Variants in ADIPOR2 observed in about 807,000 individuals in gnomAD.
ADIPOR2 encodes adiponectin receptor 2, also known as adiponectin receptor protein 2.
In ADIPOR2, 18 loss-of-function variants were observed where a neutral mutation model predicts 40.9. The observed-to-expected ratio is 0.44, with a 90% confidence interval of 0.30 to 0.65. The LOEUF is 0.65. Among genes scored for constraint, ADIPOR2 ranks in the 30% least tolerant of loss-of-function variants. ADIPOR2 has a pLI of 0.09. For missense variants in ADIPOR2, 283 were observed against 479.2 expected (o/e 0.59, Z 3.82); for synonymous variants, 165 against 166.4 (o/e 0.99, Z 0.06).
intron 1 of ADIPOR2, among the ~76,000 whole-genome samples, chr12:1,733,136 A>G (rs769925155): frequency 1.3e-5 from 2 of 152,136 alleles, no homozygotes; most frequent in African/African-American, 4.8e-5. Flanking sequence ...AAAACAAAGA[A>G]CTTTTCACTG....
At chr12:1,709,563 A>G (rs1160485778) in intron 1 of ADIPOR2, among the ~76,000 whole-genome samples, 2 of 152,202 alleles carry the variant, frequency 1.3e-5, no homozygotes, top group Non-Finnish European at 1.5e-5. Context: ...TTAAATTTGT[A>G]TGACTGTGGC....
chr12:1,719,226 C>A (rs751178008), intron 1 of ADIPOR2, among the ~76,000 whole-genome samples: 8 of 151,972 alleles, frequency 5.3e-5, no homozygotes, highest in Non-Finnish European at 1.0e-4. Context: ...TGTAATCATT[C>A]TTTTTATTGC....
chr12:1,700,499 T>C (rs1398016050), intron 1 of ADIPOR2, among the ~76,000 whole-genome samples: 1 of 152,092 alleles, frequency 6.6e-6, no homozygotes, highest in Non-Finnish European at 1.5e-5. Context: ...TAACTTAAAA[T>C]AAAAGATCTG....
intron 1 of ADIPOR2, among the ~76,000 whole-genome samples, chr12:1,723,692 T>A (rs2094702413): frequency 6.6e-6 from 1 of 151,662 alleles, no homozygotes; most frequent in African/African-American, 2.4e-5. Context: ...GAAGTAATTT[T>A]AAAAAAACTG....
At chr12:1,697,832 T>A (rs2154441232) in intron 1 of ADIPOR2, 1 of 152,500 alleles carries the variant, frequency 6.6e-6, no homozygotes, top group Non-Finnish European at 1.5e-5. Context: ...GTTACTTAGA[T>A]GTTCTGGGTA....
At chr12:1,766,247 G>T (rs1358382902) in intron 2 of ADIPOR2, among the ~76,000 whole-genome samples, 1 of 152,344 alleles carries the variant, frequency 6.6e-6, no homozygotes, top group East Asian at 1.9e-4. Flanking sequence ...TTCAGAAGCA[G>T]ATGTAATACG....
At chr12:1,772,678 A>G in intron 2 of ADIPOR2, 164 bp from the exon 3 acceptor site, 1 of 793,010 alleles carries the variant, frequency 1.3e-6, no homozygotes, top group Non-Finnish European at 1.8e-6. Context: ...TTCATTTTTA[A>G]TACTAATAAT....
chr12:1,780,840 A>G, intron 5 of ADIPOR2, 49 bp from the exon 6 acceptor site: 2 of 1,498,688 alleles, frequency 1.3e-6, no homozygotes, highest in Non-Finnish European at 1.8e-6. Flanking sequence ...TGTAGTGGCC[A>G]GTAGTTTTTA....
At chr12:1,700,299 C>G (rs1471255468) in intron 1 of ADIPOR2, among the ~76,000 whole-genome samples, 2 of 152,042 alleles carry the variant, frequency 1.3e-5, no homozygotes, top group African/African-American at 4.8e-5. Context: ...TCACTTTAAT[C>G]TTGTATGTTT....
At chr12:1,716,238 G>A (rs2094687403) in intron 1 of ADIPOR2, among the ~76,000 whole-genome samples, 1 of 152,212 alleles carries the variant, frequency 6.6e-6, no homozygotes, top group African/African-American at 2.4e-5. Flanking sequence ...TGAGAGCAGT[G>A]TAATTCTGAT....
At chr12:1,720,484 C>G (rs1019696029) in intron 1 of ADIPOR2, among the ~76,000 whole-genome samples, 3 of 152,264 alleles carry the variant, frequency 2.0e-5, no homozygotes, top group Non-Finnish European at 2.9e-5. Context: ...GAGCCCTGAG[C>G]TTGTTCTTTC....
At chr12:1,780,398 C>T (rs1255784748) in intron 4 of ADIPOR2, 53 bp from the exon 5 acceptor site, 1 of 1,462,172 alleles carries the variant, frequency 6.8e-7, no homozygotes, top group African/African-American at 1.4e-5. Flanking sequence ...AGTTATAATA[C>T]TGTCTCTTCT....
At chr12:1,764,841 A>G (rs1479201833) in intron 2 of ADIPOR2, among the ~76,000 whole-genome samples, 1 of 152,086 alleles carries the variant, frequency 6.6e-6, no homozygotes, top group East Asian at 1.9e-4. Context: ...TGTTTGTGAA[A>G]TTCATCTGTA....
intron 2 of ADIPOR2, among the ~76,000 whole-genome samples, chr12:1,763,763 G>C (rs1382420381): frequency 6.6e-6 from 1 of 152,156 alleles, no homozygotes; most frequent in Non-Finnish European, 1.5e-5. Flanking sequence ...CAGATCGCTT[G>C]AGCCCGGGAG....
chr12:1,698,282 G>A lies in ADIPOR2; in HGVS notation c.-87+7091G>A, dbSNP rs1392718539. 2.0e-5 allele frequency among the ~76,000 whole-genome samples: 3 copies of A among 152,034 alleles called. No individual in the cohort carries two copies. The South Asian group carries it at 6.2e-4, about 32-fold the overall frequency. On this transcript the variant is annotated intron_variant, in intron 1 of 7. Transcript: ENST00000357103. ...AGACAGGGTCTTGCTCTGTCACCCA[G>A]GCTGGAGTGCCATGGCACAATCACG...
At chr12:1,761,769 G>A (rs1862274455) in intron 2 of ADIPOR2, among the ~76,000 whole-genome samples, 1 of 152,086 alleles carries the variant, frequency 6.6e-6, no homozygotes, top group Non-Finnish European at 1.5e-5. Context: ...TTTAATCTAA[G>A]CCACCACCAT....
At chr12:1,717,709 G>GAAA (rs35793748) in intron 1 of ADIPOR2, among the ~76,000 whole-genome samples, 1 of 145,056 alleles carries the variant, frequency 6.9e-6, no homozygotes. Context: ...CCATCTTAAG[G>GAAA]AAAAAAAAAA....
intron 3 of ADIPOR2, among the ~76,000 whole-genome samples, chr12:1,774,309 C>T (rs1862543413): frequency 6.6e-6 from 1 of 152,174 alleles, no homozygotes; most frequent in African/African-American, 2.4e-5. Context: ...AACAGCAAAT[C>T]AGAGAATAAA....
At chr12:1,719,680 CTT>C (rs575664850) in intron 1 of ADIPOR2, among the ~76,000 whole-genome samples, 76 of 142,484 alleles carry the variant, frequency 5.3e-4, no homozygotes, top group African/African-American at 1.4e-3. Context: ...TTGTTTTCAT[CTT>C]TTTTTTTTTT....
Sources: gnomAD v4.1 joint callset for allele counts (sites outside exome capture counted in the v4.1 genomes callset) on GRCh38, gnomAD v4.1.1 for gene constraint, MANE v1.5 for transcripts, NCBI Gene and HGNC (gene_info 2026-07-23, HGNC 2026-07-21) for gene names.